The following TAFA4 variants were observed in gnomAD, a reference collection of about 807,000 sequenced individuals.
The protein encoded by TAFA4 is TAFA chemokine like family member 4.
Under a neutral mutation model 21.1 loss-of-function variants are expected in TAFA4, and 20 were observed. The observed-to-expected ratio is 0.95, with a 90% CI of 0.67 to 1.38. The LOEUF (loss-of-function observed/expected upper bound fraction) is 1.38. Ranked by LOEUF, TAFA4 falls within the 40% of genes most tolerant of loss-of-function variation. TAFA4 has a pLI of 0.00. For synonymous variants in TAFA4, 71 were observed against 67.4 expected (o/e 1.05, Z -0.26); for missense variants, 211 against 180.9 (o/e 1.17, Z -0.95).
At chr3:68,862,597 G>A (rs765663350) in intron 3 of TAFA4, among the ~76,000 whole-genome samples, 1 of 151,946 alleles carries the variant, frequency 6.6e-6, no homozygotes, top group African/African-American at 2.4e-5. Flanking sequence ...AACTACAAAC[G>A]TATTTCCAAT....
intron 1 of TAFA4, among the ~76,000 whole-genome samples, chr3:68,927,642 T>C (rs1290980290): frequency 6.6e-6 from 1 of 152,192 alleles, no homozygotes; most frequent in Non-Finnish European, 1.5e-5. Context: ...CTCATGCCTG[T>C]AGTGTCAACA....
intron 3 of TAFA4, among the ~76,000 whole-genome samples, chr3:68,837,077 C>G (rs986089135): frequency 6.6e-6 from 1 of 152,240 alleles, no homozygotes; most frequent in Non-Finnish European, 1.5e-5. Context: ...ATTTATGTAT[C>G]ATCTGCGGCT....
intron 4 of TAFA4, among the ~76,000 whole-genome samples, chr3:68,748,516 G>A (rs1702502342): frequency 1.3e-5 from 2 of 152,344 alleles, no homozygotes; most frequent in South Asian, 2.1e-4. Flanking sequence ...GCCAAGGCGG[G>A]TGGATCACGA....
chr3:68,740,924 C>G (rs1189922500), intron 4 of TAFA4, among the ~76,000 whole-genome samples: 2 of 152,122 alleles, frequency 1.3e-5, no homozygotes, highest in African/African-American at 4.8e-5. Flanking sequence ...ATTGTGTAGT[C>G]TTGTCACCCT....
intron 3 of TAFA4, among the ~76,000 whole-genome samples, chr3:68,788,207 A>C (rs1206389640): frequency 6.6e-6 from 1 of 152,138 alleles, no homozygotes; most frequent in African/African-American, 2.4e-5. Context: ...CTCCAGCCTC[A>C]ATCATCTGAC....
At chr3:68,868,133 A>G (rs1201246385) in intron 3 of TAFA4, among the ~76,000 whole-genome samples, 1 of 152,064 alleles carries the variant, frequency 6.6e-6, no homozygotes, top group East Asian at 1.9e-4. Flanking sequence ...ACACACATAG[A>G]CTGAAAGTGA....
chr3:68,848,267 G>C (rs1356024312), intron 3 of TAFA4, among the ~76,000 whole-genome samples: 1 of 152,162 alleles, frequency 6.6e-6, no homozygotes, highest in Non-Finnish European at 1.5e-5. Context: ...AAATTAACCT[G>C]TCCAGCATTT....
At chr3:68,921,371 A>AG (rs796718445) in intron 1 of TAFA4, among the ~76,000 whole-genome samples, 27 of 152,302 alleles carry the variant, frequency 1.8e-4, no homozygotes, top group African/African-American at 6.5e-4. Flanking sequence ...AAACAAGTGA[A>AG]GAAAAAAAAG....
intron 3 of TAFA4, among the ~76,000 whole-genome samples, chr3:68,798,251 G>T (rs1312684245): frequency 6.6e-6 from 1 of 152,180 alleles, no homozygotes; most frequent in Non-Finnish European, 1.5e-5. Context: ...TGCAGGGGAA[G>T]AGATAATGCA....
chr3:68,829,658 T>C (rs1181179199), intron 3 of TAFA4, among the ~76,000 whole-genome samples: 1 of 152,160 alleles, frequency 6.6e-6, no homozygotes, highest in Non-Finnish European at 1.5e-5. Flanking sequence ...TCTTTTTCTG[T>C]TGGGTCTCTG....
chr3:68,901,751 A>G (rs1345855335), intron 1 of TAFA4, among the ~76,000 whole-genome samples: 1 of 152,180 alleles, frequency 6.6e-6, no homozygotes, highest in Non-Finnish European at 1.5e-5. Flanking sequence ...AATCTGAAAC[A>G]AACTGCAAAA....
At chr3:68,906,267 G>T (rs1395040414) in intron 1 of TAFA4, among the ~76,000 whole-genome samples, 1 of 152,130 alleles carries the variant, frequency 6.6e-6, no homozygotes, top group Non-Finnish European at 1.5e-5. Flanking sequence ...AGAAAATCAG[G>T]TATTGATTAC....
At chr3:68,754,896 A>G (rs1328634249) in intron 3 of TAFA4, among the ~76,000 whole-genome samples, 1 of 152,126 alleles carries the variant, frequency 6.6e-6, no homozygotes, top group African/African-American at 2.4e-5. Context: ...ATTCTCTGAG[A>G]ACTTACTAAC....
intron 3 of TAFA4, among the ~76,000 whole-genome samples, chr3:68,767,596 AAG>A (rs1702879780): frequency 6.6e-6 from 1 of 152,146 alleles, no homozygotes; most frequent in Non-Finnish European, 1.5e-5. Flanking sequence ...AATATATAAA[AAG>A]AGAGCAGTAA....
intron 1 of TAFA4, among the ~76,000 whole-genome samples, chr3:68,911,490 CAGAT>C (rs765511303): frequency 1.5e-4 from 23 of 152,220 alleles, no homozygotes; most frequent in Non-Finnish European, 2.6e-4. Flanking sequence ...ATGATCAACT[CAGAT>C]AGAGAAACAG....
At chr3:68,895,213 G>T (rs1050535577) in intron 1 of TAFA4, among the ~76,000 whole-genome samples, 1 of 152,080 alleles carries the variant, frequency 6.6e-6, no homozygotes, top group Admixed American at 6.5e-5. Flanking sequence ...GGCCAAGCTG[G>T]TCTCAAACTT....
chr3:68,740,188 C>T (rs966665179), intron 4 of TAFA4, among the ~76,000 whole-genome samples: 1 of 152,152 alleles, frequency 6.6e-6, no homozygotes, highest in Non-Finnish European at 1.5e-5. Flanking sequence ...AGTTAATCCA[C>T]GTGTGAAAGT....
intron 1 of TAFA4, among the ~76,000 whole-genome samples, chr3:68,918,526 T>C (rs13090793): frequency 6.6e-6 from 1 of 152,170 alleles, no homozygotes; most frequent in Non-Finnish European, 1.5e-5. Context: ...ATTCCTAAAT[T>C]ATAAAACTTC....
chr3:68,874,754 T>C (rs1007378205), intron 3 of TAFA4, among the ~76,000 whole-genome samples: 1 of 151,662 alleles, frequency 6.6e-6, no homozygotes, highest in East Asian at 1.9e-4. Flanking sequence ...TGAAATTCTT[T>C]ACTCCCGTCA....
Sources: allele counts gnomAD v4.1 joint callset (sites outside exome capture counted in the v4.1 genomes callset), GRCh38; gene constraint gnomAD v4.1.1; transcripts MANE v1.5; gene names NCBI Gene and HGNC (gene_info 2026-07-23, HGNC 2026-07-21).